The following EPB41L2 variants were observed in gnomAD, a reference collection of about 807,000 sequenced individuals.
EPB41L2 encodes erythrocyte membrane protein band 4.1 like 2, also known as band 4.1-like protein 2.
In EPB41L2, 43 loss-of-function variants were observed where a neutral mutation model predicts 113.0. The ratio of observed to expected loss-of-function variants is 0.38; its 90% CI spans 0.30 to 0.49. The LOEUF (loss-of-function observed/expected upper bound fraction) is 0.49, where lower values mean the gene tolerates loss of function less well. Among genes scored for constraint, EPB41L2 ranks in the 20% least tolerant of loss-of-function variants. EPB41L2 has a pLI of 0.95. For synonymous variants in EPB41L2, 442 were observed against 436.7 expected, an observed-to-expected ratio of 1.01 and a Z score of -0.15; for missense variants, 1,147 against 1,223.4, an observed-to-expected ratio of 0.94 and a Z score of 0.93.
At chr6:131,002,030 C>T (rs1784464861) in intron 1 of EPB41L2, among the ~76,000 whole-genome samples, 3 of 152,144 alleles carry the variant, frequency 2.0e-5, no homozygotes, top group Non-Finnish European at 4.4e-5. Flanking sequence ...TTCACCTGAG[C>T]CGTCACATAT....
At chr6:130,967,660 G>A (rs1369754343) in intron 1 of EPB41L2, among the ~76,000 whole-genome samples, 1 of 152,062 alleles carries the variant, frequency 6.6e-6, no homozygotes, top group Non-Finnish European at 1.5e-5. Flanking sequence ...CTCCTCACAG[G>A]GAAAAGCAGG....
Position 130,840,610 on chromosome 6 carries a change from A to G in EPB41L2, c.*6-12T>C, listed in dbSNP as rs1339873587. 1 of 150,910 alleles carries G rather than the reference A, an allele frequency of 6.6e-6. No individual in the cohort carries two copies. Among genetic ancestry groups the G allele is most frequent in the Non-Finnish European group, 1.5e-5 (1 of 67,874 alleles). 9.3% of individuals were successfully genotyped at this position (150,910 alleles called of 1,614,324 possible). ...TAAAAAATGACTTTCTAGAAGAGAAAAAAAAAAAAAAAACAGAAGGCTTAA... is the reference window on the plus strand; with the variant it reads ...TAAAAAATGACTTTCTAGAAGAGAAGAAAAAAAAAAAAACAGAAGGCTTAA... On this transcript the variant is annotated splice_polypyrimidine_tract_variant and intron_variant, in intron 19 of 19. Coordinates refer to ENST00000337057, the MANE Select transcript of EPB41L2 (RefSeq NM_001431.4).
intron 3 of EPB41L2, among the ~76,000 whole-genome samples, chr6:130,954,036 CTTTCTTTTTT>C (rs1192232251): frequency 7.7e-4 from 35 of 45,526 alleles, no homozygotes; most frequent in African/African-American, 1.6e-3. Context: ...TAGTCCTTTT[CTTTCTTTTTT>C]TTTTTTTTTT....
intron 1 of EPB41L2, among the ~76,000 whole-genome samples, chr6:131,028,911 A>G (rs946751365): frequency 6.6e-6 from 1 of 152,212 alleles, no homozygotes; most frequent in African/African-American, 2.4e-5. Context: ...CCATGTATAC[A>G]TACAAATGCT....
intron 4 of EPB41L2, among the ~76,000 whole-genome samples, chr6:130,913,237 AT>A (rs1799956698): frequency 6.6e-6 from 1 of 152,240 alleles, no homozygotes; most frequent in Admixed American, 6.5e-5. Flanking sequence ...ACTTGGTGTC[AT>A]TCTCAGGCCA....
rs186719137 is a variant in EPB41L2 at position 130,907,724 on chromosome 6, C to T, written c.853+1097G>A. Among the ~76,000 whole-genome samples the T allele has an allele frequency of 2.3e-3, 344 of 151,694 alleles. 3 individuals carry two copies. The highest frequency in any genetic ancestry group is 7.9e-3 in the African/African-American group (328 of 41,336). On this transcript the variant is annotated intron_variant, in intron 5 of 19. Transcript: ENST00000337057. ...AAGACTACCAAAAAGATAAATAATT[C>T]GAGAGAGAAAGAAATAAAGAAAACA...
chr6:130,842,296 GA>G (rs5880038), intron 19 of EPB41L2, among the ~76,000 whole-genome samples: 107,892 of 151,528 alleles, frequency 0.71, 38,776 homozygotes, highest in East Asian at 0.88. Flanking sequence ...TAGGCTGGGG[GA>G]AAAAAAAATC....
chr6:131,001,347 G>A (rs1055090035), intron 1 of EPB41L2, among the ~76,000 whole-genome samples: 9 of 152,078 alleles, frequency 5.9e-5, no homozygotes, highest in African/African-American at 1.7e-4. Flanking sequence ...GCACGTGAGC[G>A]CGAACAAGCA....
At chr6:130,845,090 G>A (rs1346184397) in intron 19 of EPB41L2, among the ~76,000 whole-genome samples, 1 of 152,160 alleles carries the variant, frequency 6.6e-6, no homozygotes, top group African/African-American at 2.4e-5. Context: ...AAAAATGCAA[G>A]CATGCTAAAT....
At chr6:130,931,296 C>G (rs73617178) in intron 3 of EPB41L2, among the ~76,000 whole-genome samples, 1 of 151,770 alleles carries the variant, frequency 6.6e-6, no homozygotes, top group Non-Finnish European at 1.5e-5. Flanking sequence ...GGTTCTAACA[C>G]GCATTATTTT....
intron 10 of EPB41L2, among the ~76,000 whole-genome samples, chr6:130,892,648 T>C (rs1022282484): frequency 3.3e-5 from 4 of 122,386 alleles, no homozygotes; most frequent in Non-Finnish European, 5.7e-5. Context: ...CATATTAGTC[T>C]TGAAAAATAG....
chr6:130,987,001 G>A (rs946805197), intron 1 of EPB41L2, among the ~76,000 whole-genome samples: 1 of 152,226 alleles, frequency 6.6e-6, no homozygotes, highest in Admixed American at 6.5e-5. Context: ...GGCCTTTTGT[G>A]TCTGGTTTCT....
intron 13 of EPB41L2, among the ~76,000 whole-genome samples, chr6:130,878,911 T>C (rs1056140108): frequency 2.6e-5 from 4 of 152,324 alleles, no homozygotes; most frequent in South Asian, 2.1e-4. Flanking sequence ...AACCACAGAC[T>C]GGTCTCATGT....
intron 3 of EPB41L2, among the ~76,000 whole-genome samples, chr6:130,950,422 T>C (rs1363818101): frequency 6.6e-6 from 1 of 152,094 alleles, no homozygotes; most frequent in Non-Finnish European, 1.5e-5. Context: ...TTCATGCCAA[T>C]AAATTTGTCA....
chr6:130,865,626 G>T lies in EPB41L2; in HGVS notation c.2739C>A (p.Gly913=). 6 of 1,614,002 alleles carry T rather than the reference G, an allele frequency of 3.7e-6. No individual in the cohort carries two copies. The highest frequency in any genetic ancestry group is 5.1e-6 in the Non-Finnish European group (6 of 1,179,946). Residue 913 remains glycine (G), a synonymous_variant, in exon 17 of 20, where the codon GGC becomes GGA. Coordinates refer to ENST00000337057, the MANE Select transcript of EPB41L2 (RefSeq NM_001431.4). ...ACGTGCCCGAATCACCACCAGCCCCGCCATCAATCTTTGGATAGTTGGGGG... is the reference window on the plus strand; with the variant it reads ...ACGTGCCCGAATCACCACCAGCCCCTCCATCAATCTTTGGATAGTTGGGGG... ...TITYESPQID[G]GAGGDSGTLL...
At chr6:131,053,920 G>A (rs186988711) in intron 1 of EPB41L2, among the ~76,000 whole-genome samples, 15 of 152,320 alleles carry the variant, frequency 9.8e-5, no homozygotes, top group Admixed American at 3.9e-4. Flanking sequence ...ATCTTACAAC[G>A]GGAGGCACAG....
intron 1 of EPB41L2, among the ~76,000 whole-genome samples, chr6:131,053,661 C>T (rs1797069820): frequency 6.6e-6 from 1 of 152,098 alleles, no homozygotes; most frequent in Non-Finnish European, 1.5e-5. Context: ...TCACAAGAAA[C>T]ACTGCACTTG....
chr6:130,870,864 C>T (rs1190496403), intron 14 of EPB41L2, among the ~76,000 whole-genome samples: 3 of 151,686 alleles, frequency 2.0e-5, no homozygotes, highest in East Asian at 3.9e-4. Context: ...TATAGTTAGC[C>T]TCAGAAGGCT....
In EPB41L2 at chr6:130,955,189, T is replaced by A; in HGVS notation, c.621A>T (p.Ala207=). ...TGGTCTTCTTGGTGACTTTTTGAGA[T>A]GCCTTCTCTGCTTTCAGCTCATTGG... ...VQTNELKAEK[A]SQKVTKKTKT... is the part of the protein sequence containing the mutation. The change falls in exon 3 of 20, where the codon GCA becomes GCT. Residue 207 remains alanine, a synonymous_variant. Transcript: ENST00000337057. The A allele has an allele frequency of 6.2e-7, 1 of 1,614,224 alleles. No individual in the cohort carries two copies. Among genetic ancestry groups the A allele is most frequent in the Non-Finnish European group, 8.5e-7 (1 of 1,180,042 alleles).
Sources: gnomAD v4.1 joint callset for allele counts (sites outside exome capture counted in the v4.1 genomes callset) on GRCh38, gnomAD v4.1.1 for gene constraint, MANE v1.5 for transcripts, NCBI Gene and HGNC (gene_info 2026-07-23, HGNC 2026-07-21) for gene names.